Variants in IQSEC1 observed in about 807,000 individuals in gnomAD.
IQSEC1 encodes IQ motif and SEC7 domain-containing protein 1.
A neutral mutation model predicts 91.0 loss-of-function variants in IQSEC1; 31 were observed. That is an observed-to-expected ratio of 0.34 (90% CI 0.26 to 0.46). The LOEUF is 0.46. Ranked by LOEUF, IQSEC1 falls within the 20% of genes least tolerant of loss-of-function variation. The pLI is 1.00. For missense variants in IQSEC1, 1,388 were observed against 1,575.6 expected (o/e 0.88, Z 2.02); for synonymous variants, 699 against 662.6 (o/e 1.05, Z -0.84).
chr3:13,251,001 G>A (rs770520986), intron 1 of IQSEC1, among the ~76,000 whole-genome samples: 3 of 152,186 alleles, frequency 2.0e-5, no homozygotes, highest in Non-Finnish European at 4.4e-5. Context: ...GAGTCCTCCA[G>A]GGCCCTGTGT....
At position 12,957,961 on chromosome 3, in the gene IQSEC1, C is replaced by T. The variant is rs76089869; in HGVS notation, c.24-16096G>A. On this transcript the variant is annotated intron_variant, in intron 1 of 13. Transcript: ENST00000613206. ...TTTGAAGCAGGTACTATATCATCTTCCCATTTTGTGGATGAAGAAACTAAG... is the reference window on the plus strand; with the variant it reads ...TTTGAAGCAGGTACTATATCATCTTTCCATTTTGTGGATGAAGAAACTAAG... 3.8e-3 allele frequency among the ~76,000 whole-genome samples: 576 copies of T among 152,330 alleles called. 6 individuals are homozygous for T. The highest frequency in any genetic ancestry group is 0.013 in the African/African-American group (552 of 41,580).
intron 1 of IQSEC1, among the ~76,000 whole-genome samples, chr3:13,044,860 C>A (rs1325777780): frequency 6.6e-6 from 1 of 152,272 alleles, no homozygotes; most frequent in African/African-American, 2.4e-5. Context: ...CAGAAGCTTG[C>A]CCCCAGCAGC....
At chr3:12,902,658 C>CAAAAAAAAACCCAAAAAAAAAAAAAAAAA (rs1694460568) in intron 13 of IQSEC1, 115 bp downstream of exon 13, 1 of 264,630 alleles carries the variant, frequency 3.8e-6, no homozygotes, top group African/African-American at 5.0e-5. Context: ...AAAAAAACAA[C>CAAAAAAAAACCCAAAAAAAAAAAAAAAAA]AAAAAAAAAA....
At chr3:13,276,219 G>C (rs992493301) in intron 1 of IQSEC1, among the ~76,000 whole-genome samples, 5 of 150,230 alleles carry the variant, frequency 3.3e-5, no homozygotes, top group Non-Finnish European at 5.9e-5. Flanking sequence ...CTCCCAAGTA[G>C]CTGGGACTAC....
rs118052659 is a variant in IQSEC1 at position 13,168,279 on chromosome 3, G to A, written c.273-4146C>T. Among the ~76,000 whole-genome samples, 158 of 152,336 alleles carry A rather than the reference G, an allele frequency of 1.0e-3. 4 individuals are homozygous for A. In the East Asian group the frequency reaches 0.023, roughly 22 times the overall value. ...CTTATATGGCGTGATGTAGAAAAGC[G>A]TAAGAAAAACAAGTAAAAATCATCT... On this transcript the variant is annotated intron_variant, in intron 1 of 15. Transcript: ENST00000648114.
intron 2 of IQSEC1, among the ~76,000 whole-genome samples, chr3:13,112,386 A>T (rs552885696): frequency 1.4e-4 from 22 of 152,326 alleles, no homozygotes; most frequent in Admixed American, 8.5e-4. Context: ...AAGACTGGTA[A>T]CACCTGCCAA....
At chr3:12,926,309 CAA>C (rs33950115) in intron 3 of IQSEC1, among the ~76,000 whole-genome samples, 96,757 of 143,490 alleles carry the variant, frequency 0.67, 32,780 homozygotes, top group African/African-American at 0.81. Flanking sequence ...GACTCCATGT[CAA>C]AAAAAAAAAA....
chr3:13,151,332 G>A (rs147009088), intron 2 of IQSEC1, among the ~76,000 whole-genome samples: 115 of 152,326 alleles, frequency 7.5e-4, no homozygotes, highest in Non-Finnish European at 1.3e-3. Flanking sequence ...CAGAGTGTCA[G>A]TCAGACAGAT....
chr3:12,999,796 T>G (rs1702352094), intron 1 of IQSEC1, among the ~76,000 whole-genome samples: 1 of 152,224 alleles, frequency 6.6e-6, no homozygotes, highest in African/African-American at 2.4e-5. Flanking sequence ...CAGGGGACAT[T>G]CAAGCTCCTG....
chr3:13,080,929 CACAGCATTATTTATA>C (rs1705638037), intron 2 of IQSEC1, among the ~76,000 whole-genome samples: 1 of 152,214 alleles, frequency 6.6e-6, no homozygotes, highest in African/African-American at 2.4e-5. Context: ...AGAAGTTCTT[CACAGCATTATTTATA>C]ACAACAATAA....
In IQSEC1 at chr3:12,899,929, C is replaced by CTCAT; in HGVS notation, c.*1053_*1054insATGA. 1.0e-6 allele frequency: 1 copy of CTCAT among 985,168 alleles called. No homozygotes were observed. The highest frequency in any genetic ancestry group is 1.2e-6 in the Non-Finnish European group (1 of 829,884). 61.0% of individuals were successfully genotyped at this position (985,168 alleles called of 1,614,324 possible). On this transcript the variant is annotated 3_prime_UTR_variant, in exon 14 of 14. Transcript: ENST00000613206. The stretch of plus-strand genomic sequence containing the variant: ...GTGTATGGGTGCCCCTCTCGGAGGA[C>CTCAT]TCTGAATGAGTGTGCGTCAAATCAT...
In IQSEC1 at chr3:13,139,419, C is replaced by T. The variant is rs563185524; in HGVS notation, c.302+24685G>A. Among the ~76,000 whole-genome samples the T allele has an allele frequency of 1.6e-3, 248 of 152,344 alleles. 1 individual carries two copies. The highest frequency in any genetic ancestry group is 0.015 in the South Asian group (74 of 4,828). ...AGGGCTAGGAAGATCCGGCATGTTC[C>T]ATCAGGTCCTTGAAACCACACTCCT... On this transcript the variant is annotated intron_variant, in intron 2 of 15. Coordinates refer to the IQSEC1 transcript ENST00000648114.
At chr3:13,130,299 G>C (rs748616633) in intron 2 of IQSEC1, among the ~76,000 whole-genome samples, 4 of 143,396 alleles carry the variant, frequency 2.8e-5, no homozygotes, top group Non-Finnish European at 1.5e-5. Context: ...AACCGAGATT[G>C]TGCCACTGCA....
chr3:12,972,194 G>A (rs1199719170), intron 1 of IQSEC1, among the ~76,000 whole-genome samples: 3 of 150,540 alleles, frequency 2.0e-5, no homozygotes, highest in Admixed American at 6.6e-5. Context: ...GCCTGTAGTC[G>A]CAGCTACTCA....
chr3:13,096,559 G>A (rs1372770326), intron 2 of IQSEC1, among the ~76,000 whole-genome samples: 1 of 152,230 alleles, frequency 6.6e-6, no homozygotes, highest in Admixed American at 6.5e-5. Context: ...CATATGAGGT[G>A]AGTTTTGAAG....
intron 1 of IQSEC1, among the ~76,000 whole-genome samples, chr3:13,213,902 C>G (rs1158970291): frequency 1.3e-5 from 2 of 152,142 alleles, no homozygotes; most frequent in Admixed American, 6.5e-5. Context: ...ATCCTGGGCT[C>G]GTATCCACAG....
intron 1 of IQSEC1, among the ~76,000 whole-genome samples, chr3:13,044,982 A>G (rs1295051519): frequency 6.6e-6 from 1 of 152,220 alleles, no homozygotes; most frequent in Non-Finnish European, 1.5e-5. Flanking sequence ...AGGTACCCTC[A>G]TCTGTGAAAG....
At position 13,073,210 on chromosome 3, in the gene IQSEC1, C is replaced by A; in HGVS notation, c.-196G>T. On this transcript the variant is annotated 5_prime_UTR_variant, in exon 1 of 14. Transcript: ENST00000613206. ...AGCGGGGGGCGGCGCCAGCAGCGGG[C>A]TGTGGAGGGCCCTGGCACGTAGCGC... The A allele has an allele frequency of 1.5e-6, 1 of 663,422 alleles. No homozygotes were observed. The highest frequency in any genetic ancestry group is 2.7e-5 in the East Asian group (1 of 36,468). 41.1% of individuals were successfully genotyped at this position (663,422 alleles called of 1,614,324 possible). A position where few individuals can be genotyped will look rare whatever the true frequency, so the allele number is the denominator to read the frequency against.
intron 1 of IQSEC1, among the ~76,000 whole-genome samples, chr3:13,225,878 ATT>A (rs59308345): frequency 1.0e-4 from 15 of 150,188 alleles, no homozygotes; most frequent in South Asian, 2.1e-4. Context: ...TAATTCATCA[ATT>A]TTTTTTTTTC....
Sources: allele counts gnomAD v4.1 joint callset (sites outside exome capture counted in the v4.1 genomes callset), GRCh38; gene constraint gnomAD v4.1.1; transcripts MANE v1.5; gene names NCBI Gene and HGNC (gene_info 2026-07-23, HGNC 2026-07-21).